The following OTULIN variants were observed in gnomAD, a reference collection of about 807,000 sequenced individuals.
OTULIN encodes OTU deubiquitinase with linear linkage specificity.
Under a neutral mutation model 39.6 loss-of-function variants are expected in OTULIN, and 15 were observed. That is an observed-to-expected ratio of 0.38 (90% CI 0.25 to 0.58). The LOEUF is 0.58. OTULIN is among the 20% of genes least tolerant of loss of function. The pLI, the probability that OTULIN is intolerant of heterozygous loss-of-function variation, is 0.66. For synonymous variants in OTULIN, 156 were observed against 170.3 expected, an observed-to-expected ratio of 0.92 and a Z score of 0.65; for missense variants, 319 against 445.9, an observed-to-expected ratio of 0.72 and a Z score of 2.56.
intron 2 of OTULIN, among the ~76,000 whole-genome samples, chr5:14,677,833 C>A (rs562004644): frequency 6.6e-6 from 1 of 152,256 alleles, no homozygotes; most frequent in South Asian, 2.1e-4. Context: ...GGTGTTATTT[C>A]TTTGTATAAT....
chr5:14,683,179 T>C (rs1044205200), intron 4 of OTULIN, among the ~76,000 whole-genome samples: 22 of 152,162 alleles, frequency 1.4e-4, no homozygotes, highest in Non-Finnish European at 3.1e-4. Context: ...CTCAGGAGGC[T>C]GGGGTGGGAG....
chr5:14,711,108 G>A, the OTULIN span: 2 of 1,179,158 alleles, frequency 1.7e-6, no homozygotes, highest in South Asian at 1.2e-5. Flanking sequence ...ACAAAAAAAA[G>A]GGAACAAAAT....
rs1162063172 is a variant in OTULIN, at chr5:14,696,084, T to C, written c.*3036T>C. ...TTAACACCTCTGTTGGGAAAAGCCT[T>C]TGTGAGTTTTTATGTACTTGGTCTT... is the stretch of plus-strand genomic sequence containing the variant. On this transcript the variant is annotated 3_prime_UTR_variant, in exon 7 of 7. Coordinates refer to ENST00000284274, the MANE Select transcript of OTULIN (RefSeq NM_138348.6). 1 of 152,076 alleles carries C rather than the reference T, an allele frequency of 6.6e-6. No individual in the cohort carries two copies. Among genetic ancestry groups the C allele is most frequent in the Non-Finnish European group, 1.5e-5 (1 of 68,006 alleles). The allele number at this position is 152,076 out of a possible 1,614,324, so 9.4% of individuals were successfully genotyped here.
At chr5:14,665,739 T>A (rs1735822450) in intron 1 of OTULIN, among the ~76,000 whole-genome samples, 1 of 152,114 alleles carries the variant, frequency 6.6e-6, no homozygotes, top group Non-Finnish European at 1.5e-5. Flanking sequence ...AAAGTTAAAT[T>A]TAAGATGTGT....
the OTULIN span, among the ~76,000 whole-genome samples, chr5:14,712,035 T>TA: frequency 6.6e-6 from 1 of 152,196 alleles, no homozygotes; most frequent in Non-Finnish European, 1.5e-5. Context: ...TTCCTCAGCT[T>TA]ACATGACATG....
rs1269885998 is a variant in OTULIN at position 14,694,393 on chromosome 5, A to G, written c.*1345A>G. The G allele has an allele frequency of 1.3e-5, 2 of 152,198 alleles. No individual in the cohort carries two copies. Among genetic ancestry groups the G allele is most frequent in the African/African-American group, 4.8e-5 (2 of 41,438 alleles). 9.4% of individuals were successfully genotyped at this position (152,198 alleles called of 1,614,324 possible). ...GTGGACTGCAGATGGTGTTCACATG[A>G]ACCGGAGACATCACTCTTTAGGATT... On this transcript the variant is annotated 3_prime_UTR_variant, in exon 7 of 7. Transcript: ENST00000284274.
the OTULIN span, chr5:14,710,360 C>T: frequency 6.6e-6 from 1 of 152,230 alleles, no homozygotes; most frequent in African/African-American, 2.4e-5. Context: ...AGCAAGCCTT[C>T]AGGAAAAGTC....
chr5:14,712,089 A>G, the OTULIN span, among the ~76,000 whole-genome samples: 1 of 152,004 alleles, frequency 6.6e-6, no homozygotes, highest in African/African-American at 2.4e-5. Flanking sequence ...TTCTTTCATT[A>G]TATTTGCCAG....
intron 4 of OTULIN, among the ~76,000 whole-genome samples, chr5:14,683,280 C>T (rs951679870): frequency 6.6e-6 from 1 of 152,084 alleles, no homozygotes; most frequent in African/African-American, 2.4e-5. Context: ...CCAAAACCAA[C>T]ATCTGGGAAA....
chr5:14,677,576 C>T (rs972865516), intron 2 of OTULIN, among the ~76,000 whole-genome samples: 1 of 152,114 alleles, frequency 6.6e-6, no homozygotes, highest in Non-Finnish European at 1.5e-5. Flanking sequence ...AAAATCAAAC[C>T]CCAAACCATA....
intron 2 of OTULIN, 139 bp downstream of exon 2, chr5:14,673,857 G>A (rs890219916): frequency 2.4e-5 from 15 of 630,038 alleles, no homozygotes; most frequent in Non-Finnish European, 3.6e-5. Flanking sequence ...TTGTTTTGCT[G>A]AAGTATGTTA....
chr5:14,664,789 C>T lies in OTULIN; in HGVS notation c.-37C>T, dbSNP rs1260501163. ...CCGACGGGAGGGGCTCCGGATCGTT[C>T]GGAGCCGGCTGAACCCCTTCGGCCG... On this transcript the variant is annotated 5_prime_UTR_variant, in exon 1 of 7. Transcript: ENST00000284274. The T allele has an allele frequency of 1.7e-6, 2 of 1,177,326 alleles. No homozygotes were observed. The highest frequency in any genetic ancestry group is 2.1e-6 in the Non-Finnish European group (2 of 951,414). 72.9% of individuals were successfully genotyped at this position (1,177,326 alleles called of 1,614,324 possible). A position where few individuals can be genotyped will look rare whatever the true frequency, so the allele number is the denominator to read the frequency against.
At chr5:14,686,146 C>T (rs545894519) in intron 4 of OTULIN, among the ~76,000 whole-genome samples, 1 of 152,280 alleles carries the variant, frequency 6.6e-6, no homozygotes, top group East Asian at 1.9e-4. Context: ...TTAGTTCACA[C>T]GATTGCTCTA....
chr5:14,702,658 T>C (rs1402584354), downstream of OTULIN, among the ~76,000 whole-genome samples: 2 of 152,150 alleles, frequency 1.3e-5, no homozygotes, highest in Non-Finnish European at 1.5e-5. Context: ...GCTGCCCTGA[T>C]GGTGCCATCA....
At chr5:14,684,862 C>T (rs1222149355) in intron 4 of OTULIN, among the ~76,000 whole-genome samples, 1 of 152,222 alleles carries the variant, frequency 6.6e-6, no homozygotes, top group African/African-American at 2.4e-5. Context: ...GCTGGCCTTG[C>T]TCTGTTCCCT....
chr5:14,690,327 C>T lies in OTULIN; in HGVS notation c.864+19C>T, dbSNP rs760284581. On this transcript the variant is annotated intron_variant, in intron 6 of 6. Coordinates refer to ENST00000284274, the MANE Select transcript of OTULIN (RefSeq NM_138348.6). The surrounding 1 kb of genome is among the most constrained non-coding windows in gnomAD (Gnocchi z 4.5). ...TGAACAGGTAAGTTGTGCTTTTGAG[C>T]ATGTATTACCCCAAAATAAAGCAGC... 93 of 1,607,922 alleles carry T rather than the reference C, an allele frequency of 5.8e-5. No individual in the cohort carries two copies. Among genetic ancestry groups the T allele is most frequent in the Non-Finnish European group, 7.4e-5 (87 of 1,176,926 alleles).
chr5:14,695,091 T>C lies in OTULIN; in HGVS notation c.*2043T>C, dbSNP rs540797720. 2.2e-4 allele frequency: 34 copies of C among 152,342 alleles called. No homozygotes were observed. Among genetic ancestry groups the C allele is most frequent in the East Asian group, 1.7e-3 (9 of 5,184 alleles). 9.4% of individuals were successfully genotyped at this position (152,342 alleles called of 1,614,324 possible). A position where few individuals can be genotyped will look rare whatever the true frequency, so the allele number is the denominator to read the frequency against. ...TGAAACTGTTCTAATCTTAGTGAAC[T>C]TGAATTGGATTTCTGGGTAAAAGAA... On this transcript the variant is annotated 3_prime_UTR_variant, in exon 7 of 7. Transcript: ENST00000284274.
At position 14,690,962 on chromosome 5, in the gene OTULIN, C is replaced by T. The variant is rs1320987902; in HGVS notation, c.864+654C>T. On this transcript the variant is annotated intron_variant, in intron 6 of 6. Coordinates refer to ENST00000284274, the MANE Select transcript of OTULIN (RefSeq NM_138348.6). This position sits in a 1 kb window ranked among gnomAD's most constrained non-coding sequence, Gnocchi z 4.5. ...AGCCATTCGAAGGGTCTTGTTTAATCTTGGCAACTGTAGCTGCATTAAAAA... is the reference window on the plus strand; with the variant it reads ...AGCCATTCGAAGGGTCTTGTTTAATTTTGGCAACTGTAGCTGCATTAAAAA... Among the ~76,000 whole-genome samples the T allele has an allele frequency of 6.6e-6, 1 of 152,182 alleles. No homozygotes were observed. Among genetic ancestry groups the T allele is most frequent in the Non-Finnish European group, 1.5e-5 (1 of 68,032 alleles).
At chr5:14,712,023 CT>C in the OTULIN span, among the ~76,000 whole-genome samples, 1 of 152,242 alleles carries the variant, frequency 6.6e-6, no homozygotes, top group Non-Finnish European at 1.5e-5. Flanking sequence ...TGTCTCCCCT[CT>C]TTCCTCAGCT....
Sources: gnomAD v4.1 joint callset for allele counts (sites outside exome capture counted in the v4.1 genomes callset) on GRCh38, gnomAD v4.1.1 for gene constraint, Gnocchi (gnomAD v3.1) non-coding constraint, MANE v1.5 for transcripts, NCBI Gene and HGNC (gene_info 2026-07-23, HGNC 2026-07-21) for gene names.